Variants in SIAE observed in about 807,000 individuals in gnomAD.
SIAE encodes the protein sialate O-acetylesterase.
Under a neutral mutation model 52.6 loss-of-function variants are expected in SIAE, and 39 were observed. That is an observed-to-expected ratio of 0.74 (90% CI 0.57 to 0.97). SIAE has a LOEUF of 0.97. SIAE is among the 50% of genes least tolerant of loss of function. SIAE has a pLI of 0.00. For missense variants in SIAE, 592 were observed against 662.1 expected (o/e 0.89, Z 1.16); for synonymous variants, 233 against 241.4 (o/e 0.97, Z 0.32).
Position 124,637,083 on chromosome 11 carries a change from A to T in SIAE, c.1440T>A (p.Tyr480Ter). 1 of 1,614,190 alleles carries T rather than the reference A, an allele frequency of 6.2e-7. No homozygotes were observed. The highest frequency in any genetic ancestry group is 8.5e-7 in the Non-Finnish European group (1 of 1,180,028). The change falls in exon 10 of 10, where the codon TAT becomes TAA. Residue 480 changes from tyrosine (Y) to a stop codon, truncating the protein, a stop_gained. Coordinates refer to ENST00000263593, the MANE Select transcript of SIAE (RefSeq NM_170601.5). LOFTEE classifies it low-confidence loss of function (END_TRUNC). ...SCHGTVVALR[Y>*]AWTTWPCEYK... is the part of the protein sequence containing the mutation. ...ATTCACAAGGCCACGTGGTCCAAGC[A>T]TAGCGGAGAGCAACCACAGTGCCAT...
In SIAE at chr11:124,645,513, C is replaced by T. The variant is rs529919100; in HGVS notation, c.966+1852G>A. 1.2e-4 allele frequency among the ~76,000 whole-genome samples: 18 copies of T among 152,160 alleles called. No homozygotes were observed. The highest frequency in any genetic ancestry group is 4.1e-4 in the African/African-American group (17 of 41,512). Reference sequence around the variant, plus strand: ...ACGGGGCTTCTCCATGTTGGTCAGGCTGGTCTCGAACTCCCGACCTCAGGT... The same window carrying T: ...ACGGGGCTTCTCCATGTTGGTCAGGTTGGTCTCGAACTCCCGACCTCAGGT... On this transcript the variant is annotated intron_variant, in intron 7 of 9. Transcript: ENST00000263593. This position sits in a 1 kb window ranked among gnomAD's most constrained non-coding sequence, Gnocchi z 4.7.
rs1225639036 is a variant in SIAE at position 124,635,751 on chromosome 11, T to C, written c.*1200A>G. 2 of 152,234 alleles carry C rather than the reference T, an allele frequency of 1.3e-5. No homozygotes were observed. Among genetic ancestry groups the C allele is most frequent in the Admixed American group, 6.5e-5 (1 of 15,284 alleles). 9.4% of individuals were successfully genotyped at this position (152,234 alleles called of 1,614,324 possible). A position where few individuals can be genotyped will look rare whatever the true frequency, so the allele number is the denominator to read the frequency against. ...GATAGTATTCTTACTCCTTTTCACA[T>C]GCTTCAAGGACAGTTTGCAAGTGGA... On this transcript the variant is annotated 3_prime_UTR_variant, in exon 10 of 10. Transcript: ENST00000263593.
chr11:124,638,041 G>C (rs1299333889), intron 9 of SIAE, among the ~76,000 whole-genome samples: 1 of 152,096 alleles, frequency 6.6e-6, no homozygotes, highest in Non-Finnish European at 1.5e-5. Flanking sequence ...CAGTTCCACA[G>C]CAGAATGACC....
chr11:124,647,353 C>G lies in SIAE; in HGVS notation c.966+12G>C. 1 of 1,614,186 alleles carries G rather than the reference C, an allele frequency of 6.2e-7. No homozygotes were observed. Among genetic ancestry groups the G allele is most frequent in the Middle Eastern group, 1.6e-4 (1 of 6,062 alleles). ...GTTGACATGAACAGAGAAGCCTTTA[C>G]CCACATCGTACCTGGACAAGTCCAA... On this transcript the variant is annotated intron_variant, in intron 7 of 9. Coordinates refer to ENST00000263593, the MANE Select transcript of SIAE (RefSeq NM_170601.5).
intron 5 of SIAE, among the ~76,000 whole-genome samples, chr11:124,649,354 C>G (rs1445604400): frequency 6.6e-6 from 1 of 151,412 alleles, no homozygotes. Flanking sequence ...GTGCTTAGCA[C>G]AGTGTCTGGC....
Position 124,660,692 on chromosome 11 carries a change from T to G in SIAE, c.341A>C (p.Asp114Ala). Residue 114 changes from aspartate (D) to alanine (A), a missense_variant, in exon 3 of 10, where the codon GAC (aspartate) becomes GCC (alanine). Coordinates refer to ENST00000263593, the MANE Select transcript of SIAE (RefSeq NM_170601.5). ...GAGCCAGACATCTCCAAACAGGACG[T>G]CATGAACTCTCAGGGTGAAGTTTAT... ...EKINFTLRVH[D>A]VLFGDVWLCS... The G allele has an allele frequency of 6.2e-7, 1 of 1,614,206 alleles. No individual in the cohort carries two copies. Among genetic ancestry groups the G allele is most frequent in the Non-Finnish European group, 8.5e-7 (1 of 1,180,034 alleles).
upstream of SIAE, chr11:124,673,979 C>T (rs1252515960): frequency 3.7e-6 from 2 of 534,582 alleles, no homozygotes; most frequent in Non-Finnish European, 6.7e-6. Context: ...ACTTCCTCTC[C>T]GATACCAAGA....
At chr11:124,669,587 G>A (rs1943321165) in intron 1 of SIAE, 66 bp from the exon 2 acceptor site, 2 of 1,413,740 alleles carry the variant, frequency 1.4e-6, no homozygotes, top group Non-Finnish European at 9.9e-7. Context: ...TGGATCAAGT[G>A]AAACAGCAAA....
At chr11:124,654,455 AG>A in intron 4 of SIAE, 199 bp downstream of exon 4, 1 of 985,496 alleles carries the variant, frequency 1.0e-6, no homozygotes, top group Non-Finnish European at 1.2e-6. Context: ...ATTTCCCCAC[AG>A]CAAGAGGGAA....
intron 4 of SIAE, 24 bp from the exon 5 acceptor site, chr11:124,649,820 A>G: frequency 6.2e-7 from 1 of 1,613,708 alleles, no homozygotes; most frequent in Non-Finnish European, 8.5e-7. Flanking sequence ...TGGTTAAAGA[A>G]AAAGAGCCAG....
intron 3 of SIAE, among the ~76,000 whole-genome samples, chr11:124,655,027 C>A (rs1017881960): frequency 6.6e-6 from 1 of 152,068 alleles, no homozygotes; most frequent in African/African-American, 2.4e-5. Flanking sequence ...TCTTAAGGAG[C>A]AGGTCTATGT....
At position 124,645,493 on chromosome 11, in the gene SIAE, G is replaced by A. The variant is rs562817843; in HGVS notation, c.966+1872C>T. 3.0e-4 allele frequency among the ~76,000 whole-genome samples: 45 copies of A among 152,128 alleles called. No homozygotes were observed. The highest frequency in any genetic ancestry group is 8.3e-4 in the South Asian group (4 of 4,812). On this transcript the variant is annotated intron_variant, in intron 7 of 9. Coordinates refer to ENST00000263593, the MANE Select transcript of SIAE (RefSeq NM_170601.5). The surrounding 1 kb of genome is among the most constrained non-coding windows in gnomAD (Gnocchi z 4.7). ...ATTTTGTATTTTTAGTAGAGACGGG[G>A]CTTCTCCATGTTGGTCAGGCTGGTC...
Position 124,669,491 on chromosome 11 carries a change from T to C in SIAE, c.98A>G (p.Asn33Ser), listed in dbSNP as rs762824510. Residue 33 changes from asparagine (N) to serine (S), a missense_variant, in exon 2 of 10, where the codon AAT (asparagine) becomes AGT (serine). Coordinates refer to ENST00000263593, the MANE Select transcript of SIAE (RefSeq NM_170601.5). The part of the protein sequence containing the change: ...GIGFRFASYI[N>S]NDMVLQKEPA... The stretch of plus-strand genomic sequence containing the variant: ...CTCCTTCTGCAGCACCATATCATTA[T>C]TGATGTATGAAGCAAAGCGAAAACC... The C allele has an allele frequency of 1.0e-4, 163 of 1,614,044 alleles. No individual in the cohort carries two copies. The highest frequency in any genetic ancestry group is 1.3e-4 in the Non-Finnish European group (158 of 1,180,032).
In SIAE at chr11:124,663,143, T is replaced by C. The variant is rs150174415; in HGVS notation, c.230-2340A>G. Among the ~76,000 whole-genome samples, 396 of 146,014 alleles carry C rather than the reference T, an allele frequency of 2.7e-3. 1 individual carries two copies. Among genetic ancestry groups the C allele is most frequent in the African/African-American group, 9.9e-3 (387 of 38,940 alleles). On this transcript the variant is annotated intron_variant, in intron 2 of 9. Coordinates refer to ENST00000263593, the MANE Select transcript of SIAE (RefSeq NM_170601.5). ...TGGGCAACAAGAGCAAAACTCCATC[T>C]CAAAAAAAAAAAAGTCATGTAAACT...
rs1165117620 is a variant in SIAE, at chr11:124,637,122, C to T, written c.1401G>A (p.Ala467=). The T allele has an allele frequency of 5.0e-6, 8 of 1,614,010 alleles. No homozygotes were observed. The highest frequency in any genetic ancestry group is 4.4e-5 in the South Asian group (4 of 91,084). Residue 467 remains alanine (A), a synonymous_variant, in exon 10 of 10, where the codon GCG becomes GCA. Transcript: ENST00000263593. Reference sequence around the variant, plus strand: ...CCACAGTGCCATGACAAGAATCGATCGCCAGGGTCAGGGACTGGGTGGAGA... The same window carrying T: ...CCACAGTGCCATGACAAGAATCGATTGCCAGGGTCAGGGACTGGGTGGAGA... The part of the protein sequence containing the change: ...NTVSTQSLTL[A]IDSCHGTVVA...
chr11:124,638,377 A>G (rs1942785794), intron 9 of SIAE, among the ~76,000 whole-genome samples, 165 bp downstream of exon 9: 1 of 152,202 alleles, frequency 6.6e-6, no homozygotes, highest in Non-Finnish European at 1.5e-5. Context: ...AAGTGCCTCC[A>G]AGCTACTGAA....
At position 124,662,141 on chromosome 11, in the gene SIAE, C is replaced by T. The variant is rs557839821; in HGVS notation, c.230-1338G>A. On this transcript the variant is annotated intron_variant, in intron 2 of 9. Transcript: ENST00000263593. Reference sequence around the variant, plus strand: ...CCCATCCCTAAGAGGTTAATTAAATCTAAGACCAAATGTTCAGTATTGCTT... The same window carrying T: ...CCCATCCCTAAGAGGTTAATTAAATTTAAGACCAAATGTTCAGTATTGCTT... Among the ~76,000 whole-genome samples, 5 of 152,368 alleles carry T rather than the reference C, an allele frequency of 3.3e-5. No individual in the cohort carries two copies. The East Asian group carries it at 9.6e-4, about 29-fold the overall frequency.
At chr11:124,662,454 G>A (rs1943199511) in intron 2 of SIAE, among the ~76,000 whole-genome samples, 1 of 152,100 alleles carries the variant, frequency 6.6e-6, no homozygotes, top group East Asian at 1.9e-4. Flanking sequence ...AGAAAACCAA[G>A]GACTATTTCT....
At chr11:124,651,297 C>T (rs942065452) in intron 4 of SIAE, among the ~76,000 whole-genome samples, 2 of 152,074 alleles carry the variant, frequency 1.3e-5, no homozygotes, top group African/African-American at 4.8e-5. Flanking sequence ...CCTGTAATCC[C>T]AGCACTTTGG....
Sources: allele counts gnomAD v4.1 joint callset (sites outside exome capture counted in the v4.1 genomes callset), GRCh38; gene constraint gnomAD v4.1.1; non-coding constraint Gnocchi (gnomAD v3.1); transcripts MANE v1.5; gene names NCBI Gene and HGNC (gene_info 2026-07-23, HGNC 2026-07-21).